SPAG16: variants seen among roughly 807,000 people sequenced by gnomAD.
SPAG16 encodes the protein sperm-associated antigen 16 protein.
A neutral mutation model predicts 80.4 loss-of-function variants in SPAG16; 86 were observed. The ratio of observed to expected loss-of-function variants is 1.07; its 90% CI spans 0.90 to 1.28. The LOEUF is 1.28. Among genes scored for constraint, SPAG16 ranks in the 50% most tolerant of loss-of-function variants. SPAG16 has a pLI of 0.00. For missense variants in SPAG16, 870 were observed against 765.3 expected (o/e 1.14, Z -1.61); for synonymous variants, 294 against 265.9 (o/e 1.11, Z -1.03).
At chr2:214,142,115 C>T (rs1420217148) in intron 14 of SPAG16, among the ~76,000 whole-genome samples, 2 of 152,014 alleles carry the variant, frequency 1.3e-5, no homozygotes, top group Non-Finnish European at 2.9e-5. Flanking sequence ...CTAAATTTTC[C>T]AGATTGTGAT....
intron 9 of SPAG16, among the ~76,000 whole-genome samples, chr2:213,446,509 C>A (rs962106713): frequency 6.6e-5 from 10 of 152,088 alleles, no homozygotes; most frequent in South Asian, 2.1e-4. Context: ...AATACGGCTC[C>A]TTTGAATAAA....
chr2:213,952,421 A>G (rs1258575036), intron 12 of SPAG16, among the ~76,000 whole-genome samples: 1 of 152,056 alleles, frequency 6.6e-6, no homozygotes, highest in Admixed American at 6.5e-5. Flanking sequence ...CTATTAAAAT[A>G]AAAACATATA....
intron 13 of SPAG16, among the ~76,000 whole-genome samples, chr2:214,064,769 A>C (rs1280737137): frequency 6.6e-6 from 1 of 152,250 alleles, no homozygotes; most frequent in African/African-American, 2.4e-5. Context: ...CTGTAAATTC[A>C]CTGAAGATGT....
At chr2:213,945,300 CACAAG>C (rs2079397031) in intron 12 of SPAG16, among the ~76,000 whole-genome samples, 1 of 141,804 alleles carries the variant, frequency 7.1e-6, no homozygotes, top group Non-Finnish European at 1.5e-5. Context: ...CATATATATA[CACAAG>C]TATATATATG....
intron 14 of SPAG16, among the ~76,000 whole-genome samples, chr2:214,140,870 T>G (rs2055315208): frequency 6.7e-6 from 1 of 148,378 alleles, no homozygotes; most frequent in Non-Finnish European, 1.5e-5. Flanking sequence ...CATAGTTGTA[T>G]TCTTTATTAT....
chr2:213,760,718 C>T (rs1420343686), intron 10 of SPAG16, among the ~76,000 whole-genome samples: 1 of 152,058 alleles, frequency 6.6e-6, no homozygotes, highest in Non-Finnish European at 1.5e-5. Flanking sequence ...AGAAGATTGT[C>T]TTAGTTCATT....
chr2:214,077,668 T>C (rs1301384440), intron 13 of SPAG16, among the ~76,000 whole-genome samples: 1 of 152,152 alleles, frequency 6.6e-6, no homozygotes, highest in Admixed American at 6.5e-5. Context: ...TTAAACACCA[T>C]GAAGGCGGGT....
intron 13 of SPAG16, among the ~76,000 whole-genome samples, chr2:214,040,347 A>G (rs1429729711): frequency 3.9e-5 from 6 of 152,122 alleles, no homozygotes; most frequent in Non-Finnish European, 4.4e-5. Context: ...GGTTTGTTAC[A>G]TAGGTATACT....
chr2:213,579,206 G>A (rs2060222558), intron 10 of SPAG16, among the ~76,000 whole-genome samples: 1 of 151,912 alleles, frequency 6.6e-6, no homozygotes, highest in African/African-American at 2.4e-5. Context: ...TATAACTTTT[G>A]TAATGTAATA....
chr2:213,830,016 C>G (rs2125714086), intron 10 of SPAG16, among the ~76,000 whole-genome samples: 1 of 152,248 alleles, frequency 6.6e-6, no homozygotes, highest in South Asian at 2.1e-4. Flanking sequence ...TGGCTTGTGT[C>G]TTTACTAGGT....
chr2:213,754,285 G>A (rs2068216976), intron 10 of SPAG16, among the ~76,000 whole-genome samples: 1 of 152,048 alleles, frequency 6.6e-6, no homozygotes, highest in Non-Finnish European at 1.5e-5. Flanking sequence ...AAATATTGAG[G>A]CTAGTTTTCT....
At chr2:213,447,848 G>C (rs1448404355) in intron 9 of SPAG16, among the ~76,000 whole-genome samples, 2 of 152,236 alleles carry the variant, frequency 1.3e-5, no homozygotes, top group East Asian at 3.8e-4. Flanking sequence ...TCGAGCTCAA[G>C]AAGGAATCTG....
intron 12 of SPAG16, among the ~76,000 whole-genome samples, chr2:213,997,003 A>G (rs1272208313): frequency 1.3e-5 from 2 of 152,246 alleles, no homozygotes; most frequent in East Asian, 1.9e-4. Context: ...AAGAGGGACA[A>G]CATCCTTTGG....
intron 4 of SPAG16, among the ~76,000 whole-genome samples, chr2:213,315,694 C>CT (rs35508590): frequency 2.0e-5 from 3 of 150,246 alleles, no homozygotes; most frequent in African/African-American, 7.3e-5. Context: ...CTATTGAAAA[C>CT]TTTTTTTTTT....
chr2:213,814,821 C>T (rs959335843), intron 10 of SPAG16, among the ~76,000 whole-genome samples: 5 of 151,192 alleles, frequency 3.3e-5, no homozygotes, highest in African/African-American at 9.7e-5. Context: ...TAAAGAGGGA[C>T]ATTACATGAA....
In SPAG16 at chr2:213,870,930, A is replaced by G. The variant is rs148085750; in HGVS notation, c.1214+8302A>G. 2.3e-4 allele frequency among the ~76,000 whole-genome samples: 35 copies of G among 152,310 alleles called. No homozygotes were observed. In the East Asian group the frequency reaches 6.7e-3, roughly 29 times the overall value. On this transcript the variant is annotated intron_variant, in intron 11 of 15. Coordinates refer to ENST00000331683, the MANE Select transcript of SPAG16 (RefSeq NM_024532.5). ...CACAGAAGGTAAACTGAAACATTAT[A>G]GAGAATGAGAAAATATTTGTTGAAT... is the stretch of plus-strand genomic sequence containing the variant.
intron 10 of SPAG16, among the ~76,000 whole-genome samples, chr2:213,717,381 C>T (rs1310331137): frequency 1.3e-5 from 2 of 151,938 alleles, no homozygotes; most frequent in Admixed American, 6.6e-5. Flanking sequence ...AGGATGGTCT[C>T]GATCTCCTGA....
At chr2:214,359,475 G>A (rs1699032096) in intron 15 of SPAG16, among the ~76,000 whole-genome samples, 1 of 151,878 alleles carries the variant, frequency 6.6e-6, no homozygotes, top group Non-Finnish European at 1.5e-5. Context: ...TAGAGCACGA[G>A]AGAGAATATT....
rs115218768 is a variant in SPAG16, at chr2:213,336,036, C to A, written c.537-4127C>A. Among the ~76,000 whole-genome samples, 1,360 of 152,124 alleles carry A rather than the reference C, an allele frequency of 8.9e-3. 12 individuals are homozygous for A. Among genetic ancestry groups the A allele is most frequent in the African/African-American group, 0.03 (1,249 of 41,496 alleles). On this transcript the variant is annotated intron_variant, in intron 5 of 15. Transcript: ENST00000331683. ...ATTGGGACTGACTAGGTGGTTGGCGCAACCCAGGGAGAGCAAAGAAGAGCA... is the reference window on the plus strand; with the variant it reads ...ATTGGGACTGACTAGGTGGTTGGCGAAACCCAGGGAGAGCAAAGAAGAGCA...
Sources: gnomAD v4.1 joint callset for allele counts (sites outside exome capture counted in the v4.1 genomes callset) on GRCh38, gnomAD v4.1.1 for gene constraint, MANE v1.5 for transcripts, NCBI Gene and HGNC (gene_info 2026-07-23, HGNC 2026-07-21) for gene names.